Variants in RHOBTB1 observed in about 807,000 individuals in gnomAD.
RHOBTB1 encodes Rho related BTB domain containing 1, also known as rho-related BTB domain-containing protein 1.
In RHOBTB1, 40 loss-of-function variants were observed where a neutral mutation model predicts 71.6. The observed-to-expected ratio is 0.56, with a 90% confidence interval of 0.43 to 0.73. RHOBTB1 has a LOEUF of 0.73. Ranked by LOEUF, RHOBTB1 falls within the 30% of genes least tolerant of loss-of-function variation. RHOBTB1 has a pLI of 0.00. For synonymous variants in RHOBTB1, 319 were observed against 334.9 expected (o/e 0.95, Z 0.52); for missense variants, 797 against 894.0 (o/e 0.89, Z 1.38).
At chr10:60,871,852 G>A (rs998322416) in intron 10 of RHOBTB1, among the ~76,000 whole-genome samples, 1 of 152,146 alleles carries the variant, frequency 6.6e-6, no homozygotes, top group Non-Finnish European at 1.5e-5. Context: ...TGGGCACAGA[G>A]AACCTGAACC....
At chr10:60,956,671 T>G (rs1368661672) in intron 2 of RHOBTB1, among the ~76,000 whole-genome samples, 4 of 152,092 alleles carry the variant, frequency 2.6e-5, no homozygotes, top group South Asian at 2.1e-4. Context: ...CTTTTTTTTT[T>G]TTGTTAAAAT....
intron 2 of RHOBTB1, among the ~76,000 whole-genome samples, chr10:60,936,544 C>T (rs2084594068): frequency 6.6e-6 from 1 of 152,126 alleles, no homozygotes; most frequent in East Asian, 1.9e-4. Context: ...AAGAAACAAG[C>T]AAATAAAATA....
chr10:60,927,539 G>A (rs573491866), intron 2 of RHOBTB1, among the ~76,000 whole-genome samples: 2 of 152,138 alleles, frequency 1.3e-5, no homozygotes, highest in Non-Finnish European at 2.9e-5. Context: ...GAAGAGAATA[G>A]AGAACCCAGA....
intron 2 of RHOBTB1, among the ~76,000 whole-genome samples, chr10:60,935,260 A>G (rs538086653): frequency 7.2e-5 from 11 of 152,328 alleles, no homozygotes; most frequent in African/African-American, 2.2e-4. Context: ...TCATTTATAT[A>G]AAGTCCAAAA....
At chr10:60,892,074 T>G (rs2081951292) in intron 5 of RHOBTB1, among the ~76,000 whole-genome samples, 1 of 152,230 alleles carries the variant, frequency 6.6e-6, no homozygotes, top group Non-Finnish European at 1.5e-5. Flanking sequence ...TCCGCAGCCA[T>G]GCTAAACTGT....
rs2080686003 is a variant in RHOBTB1 at position 60,869,591 on chromosome 10, C to T, written c.*1891G>A. The T allele has an allele frequency of 6.6e-6, 1 of 152,552 alleles. No homozygotes were observed. Among genetic ancestry groups the T allele is most frequent in the South Asian group, 2.1e-4 (1 of 4,820 alleles). 9.4% of individuals were successfully genotyped at this position (152,552 alleles called of 1,614,324 possible). A position where few individuals can be genotyped will look rare whatever the true frequency, so the allele number is the denominator to read the frequency against. ...ACTAGTGGATATTATTGCTTATACCCCAAGTTCATTTATACATCCATTATA... is the reference window on the plus strand; with the variant it reads ...ACTAGTGGATATTATTGCTTATACCTCAAGTTCATTTATACATCCATTATA... On this transcript the variant is annotated 3_prime_UTR_variant, in exon 11 of 11. Transcript: ENST00000337910.
At chr10:60,981,436 A>T (rs939988728) in intron 2 of RHOBTB1, among the ~76,000 whole-genome samples, 1 of 152,220 alleles carries the variant, frequency 6.6e-6, no homozygotes, top group African/African-American at 2.4e-5. Context: ...GAAATTAGGT[A>T]AATTATCCAA....
upstream of RHOBTB1, among the ~76,000 whole-genome samples, chr10:60,945,239 G>A (rs113318033): frequency 2.0e-5 from 3 of 152,210 alleles, no homozygotes; most frequent in African/African-American, 7.2e-5. Context: ...AGAGATCACT[G>A]GGGAATAAAG....
Position 60,991,733 on chromosome 10 carries a change from C to T in RHOBTB1, c.-162-5788G>A, listed in dbSNP as rs554331339. Among the ~76,000 whole-genome samples the T allele has an allele frequency of 2.0e-4, 31 of 152,240 alleles. No homozygotes were observed. The East Asian group carries it at 5.8e-3, about 28-fold the overall frequency. ...GACATGAGCCACCGCACCCGACCTTCCCTCAGTCTTTCATGCTGCCTGTTC... is the reference window on the plus strand; with the variant it reads ...GACATGAGCCACCGCACCCGACCTTTCCTCAGTCTTTCATGCTGCCTGTTC... On this transcript the variant is annotated intron_variant, in intron 1 of 11. Coordinates refer to the RHOBTB1 transcript ENST00000357917.
chr10:60,945,643 G>C (rs1054716885), upstream of RHOBTB1, among the ~76,000 whole-genome samples: 1 of 152,158 alleles, frequency 6.6e-6, no homozygotes, highest in African/African-American at 2.4e-5. Context: ...GAAGTCAAAG[G>C]CTTGCCTGGT....
At chr10:60,922,580 G>A (rs1466679302) in intron 2 of RHOBTB1, among the ~76,000 whole-genome samples, 1 of 152,180 alleles carries the variant, frequency 6.6e-6, no homozygotes, top group Non-Finnish European at 1.5e-5. Context: ...GAAGTAGGGA[G>A]ACATTCTTCA....
At chr10:60,914,754 A>G (rs2083180280) in intron 2 of RHOBTB1, among the ~76,000 whole-genome samples, 1 of 152,238 alleles carries the variant, frequency 6.6e-6, no homozygotes, top group Admixed American at 6.5e-5. Context: ...TACAAAAACT[A>G]TCATTGCTTC....
Position 60,888,490 on chromosome 10 carries a change from C to T in RHOBTB1, c.1178G>A (p.Arg393Gln), listed in dbSNP as rs750221351. The change falls in exon 6 of 11, where the codon CGG (arginine) becomes CAG (glutamine). Residue 393 changes from arginine (R) to glutamine (Q), a missense_variant. Physicochemically the swap from Arg to Gln is conservative, Grantham distance 43. Transcript: ENST00000337910. ...CCTGACCACAGTCATGGGCCCCATC[C>T]GCTTTGAAATGGGGTTGACTTGCAT... is the stretch of plus-strand genomic sequence containing the variant. ...REMQVNPISK[R>Q]MGPMTVVRMD... is the part of the protein sequence containing the mutation. 19 of 1,614,192 alleles carry T rather than the reference C, an allele frequency of 1.2e-5. No homozygotes were observed. Among genetic ancestry groups the T allele is most frequent in the Admixed American group, 5.0e-5 (3 of 60,028 alleles).
downstream of RHOBTB1, among the ~76,000 whole-genome samples, chr10:60,867,025 C>T (rs7922306): frequency 0.075 from 11,422 of 152,148 alleles, 511 homozygotes; most frequent in Non-Finnish European, 0.09. Context: ...ATTTGTGTTT[C>T]GCTTCCATTC....
rs150951862 is a variant in RHOBTB1 at position 60,960,684 on chromosome 10, G to A, written c.-61-18830C>T. On this transcript the variant is annotated intron_variant, in intron 2 of 11. Transcript: ENST00000357917. ...TTTATGGGAGATCATAATCCAAGTCGTAAAGAACTTGAAATGATTACAATT... is the reference window on the plus strand; with the variant it reads ...TTTATGGGAGATCATAATCCAAGTCATAAAGAACTTGAAATGATTACAATT... Among the ~76,000 whole-genome samples, 14 of 152,244 alleles carry A rather than the reference G, an allele frequency of 9.2e-5. No homozygotes were observed. In the East Asian group the frequency reaches 1.2e-3, roughly 13 times the overall value.
intron 1 of RHOBTB1, among the ~76,000 whole-genome samples, chr10:60,999,509 T>A (rs1398678369): frequency 1.3e-5 from 2 of 152,210 alleles, no homozygotes; most frequent in African/African-American, 4.8e-5. Context: ...AATATGCCAC[T>A]AAATCAACTG....
chr10:60,877,775 T>C lies in RHOBTB1; in HGVS notation c.1726+133A>G, dbSNP rs142047266. 2.7e-5 allele frequency: 23 copies of C among 852,684 alleles called. No individual in the cohort carries two copies. The African/African-American group carries it at 3.8e-4, about 14-fold the overall frequency. 52.8% of individuals were successfully genotyped at this position (852,684 alleles called of 1,614,324 possible). Reference sequence around the variant, plus strand: ...TGTCTGATGCAATTTGATTAATTCATATCATTCTACACAAGACAGTCCTAT... The same window carrying C: ...TGTCTGATGCAATTTGATTAATTCACATCATTCTACACAAGACAGTCCTAT... On this transcript the variant is annotated intron_variant, in intron 8 of 10. Transcript: ENST00000337910.
chr10:60,881,001 T>C (rs1331536640), intron 7 of RHOBTB1, among the ~76,000 whole-genome samples: 1 of 146,638 alleles, frequency 6.8e-6, no homozygotes, highest in Non-Finnish European at 1.5e-5. Context: ...TCTTGAATTA[T>C]AGCTCCCATA....
At chr10:60,929,202 C>T (rs2084081413) in intron 2 of RHOBTB1, among the ~76,000 whole-genome samples, 1 of 152,004 alleles carries the variant, frequency 6.6e-6, no homozygotes, top group African/African-American at 2.4e-5. Flanking sequence ...AGAACTAAAC[C>T]ATATCACCCA....
Sources: gnomAD v4.1 joint callset for allele counts (sites outside exome capture counted in the v4.1 genomes callset) on GRCh38, gnomAD v4.1.1 for gene constraint, MANE v1.5 for transcripts, NCBI Gene and HGNC (gene_info 2026-07-23, HGNC 2026-07-21) for gene names.